The following ZMYM1 variants were observed in gnomAD, a reference collection of about 807,000 sequenced individuals.
ZMYM1 encodes zinc finger MYM-type containing 1.
Under a neutral mutation model 60.0 loss-of-function variants are expected in ZMYM1, and 39 were observed. The observed-to-expected ratio is 0.65, with a 90% CI of 0.50 to 0.85. ZMYM1 has a LOEUF of 0.85. ZMYM1 is among the 40% of genes least tolerant of loss of function. The pLI, the probability that ZMYM1 is intolerant of heterozygous loss-of-function variation, is 0.00. For missense variants in ZMYM1, 1,171 were observed against 1,309.5 expected, an observed-to-expected ratio of 0.89 and a Z score of 1.63; for synonymous variants, 413 against 454.0, an observed-to-expected ratio of 0.91 and a Z score of 1.15.
intron 1 of ZMYM1, among the ~76,000 whole-genome samples, chr1:35,091,887 CAA>C (rs779081046): frequency 2.1e-4 from 18 of 84,522 alleles, no homozygotes; most frequent in African/African-American, 5.9e-4. Flanking sequence ...GATCTTGTCT[CAA>C]AAAAAAAAAA....
chr1:35,103,434 G>A (rs1304684527), intron 4 of ZMYM1, among the ~76,000 whole-genome samples: 1 of 152,088 alleles, frequency 6.6e-6, no homozygotes, highest in Non-Finnish European at 1.5e-5. Context: ...CTTTCCCTTA[G>A]CATAATATTT....
rs911900414 is a variant in ZMYM1, at chr1:35,114,751, C to T, written c.2921C>T (p.Thr974Ile). Residue 974 changes from threonine (T) to isoleucine (I), a missense_variant, in exon 10 of 10, where the codon ACT becomes ATT. Coordinates refer to ENST00000359858, the MANE Select transcript of ZMYM1 (RefSeq NM_024772.5). ...KINIYYQGLD[T>I]ILQNLKLCFS... Reference sequence around the variant, plus strand: ...AATATCTATTACCAAGGATTAGATACTATATTACAAAATTTAAAGTTATGT... The same window carrying T: ...AATATCTATTACCAAGGATTAGATATTATATTACAAAATTTAAAGTTATGT... 5.0e-6 allele frequency: 8 copies of T among 1,585,900 alleles called. No individual in the cohort carries two copies. Among genetic ancestry groups the T allele is most frequent in the Admixed American group, 1.8e-5 (1 of 57,062 alleles).
intron 1 of ZMYM1, chr1:35,060,015 A>G (rs1335618888): frequency 1.3e-5 from 2 of 152,044 alleles, no homozygotes; most frequent in Admixed American, 6.6e-5. Context: ...CTGAGTCTCA[A>G]GTCATTGAGT....
At chr1:35,060,602 A>G (rs2148472932) in intron 1 of ZMYM1, among the ~76,000 whole-genome samples, 1 of 152,272 alleles carries the variant, frequency 6.6e-6, no homozygotes, top group South Asian at 2.1e-4. Flanking sequence ...GGTAGCTCTC[A>G]GTCTGTGCTG....
intron 1 of ZMYM1, among the ~76,000 whole-genome samples, chr1:35,060,349 G>A (rs1472156138): frequency 5.9e-5 from 9 of 151,896 alleles, no homozygotes; most frequent in South Asian, 2.1e-4. Context: ...TAGTAGAGAC[G>A]GGGTTTCTCC....
chr1:35,097,222 C>T, intron 3 of ZMYM1, 95 bp from the exon 4 acceptor site: 1 of 1,398,182 alleles, frequency 7.2e-7, no homozygotes, highest in South Asian at 1.4e-5. Context: ...AGAACAAGAC[C>T]CTGTCTCTAA....
chr1:35,104,904 T>G (rs918720755), intron 6 of ZMYM1, 135 bp downstream of exon 6: 1 of 640,202 alleles, frequency 1.6e-6, no homozygotes, highest in African/African-American at 1.8e-5. Context: ...AGAAGGCTTT[T>G]AACGGTTTCT....
intron 1 of ZMYM1, among the ~76,000 whole-genome samples, chr1:35,062,976 G>T (rs1040438878): frequency 6.6e-6 from 1 of 152,174 alleles, no homozygotes; most frequent in African/African-American, 2.4e-5. Context: ...TCACACCACA[G>T]TCCAGCATGG....
chr1:35,086,237 C>T (rs565213916), intron 1 of ZMYM1, among the ~76,000 whole-genome samples: 2 of 151,864 alleles, frequency 1.3e-5, no homozygotes, highest in African/African-American at 4.8e-5. Flanking sequence ...GGTTTTTTCC[C>T]AAAATTTTCA....
At position 35,113,547 on chromosome 1, in the gene ZMYM1, G is replaced by A. The variant is rs766836523; in HGVS notation, c.1717G>A (p.Gly573Arg). ...FLGKQCLPLR[G>R]NDQSVSSVNK... is the part of the protein sequence containing the mutation. The stretch of plus-strand genomic sequence containing the variant: ...TGGAAAGCAGTGTTTACCCTTAAGA[G>A]GAAACGACCAGTCAGTTTCATCTGT... Residue 573 changes from glycine (G) to arginine (R), a missense_variant, in exon 10 of 10, where the codon GGA becomes AGA. Physicochemically the swap from Gly to Arg is moderately radical, Grantham distance 125. Coordinates refer to ENST00000359858, the MANE Select transcript of ZMYM1 (RefSeq NM_024772.5). 11 of 1,613,142 alleles carry A rather than the reference G, an allele frequency of 6.8e-6. No homozygotes were observed. Among genetic ancestry groups the A allele is most frequent in the Non-Finnish European group, 9.3e-6 (11 of 1,179,762 alleles).
Position 35,080,398 on chromosome 1 carries a change from C to T in ZMYM1, c.-75+956C>T, listed in dbSNP as rs548622292. On this transcript the variant is annotated intron_variant, in intron 1 of 9. Transcript: ENST00000359858. ...TGACACGATCACGGCTCACAAGCAG[C>T]CTCAGCCTTCCGAGCTTAAGCGATC... 6.0e-5 allele frequency among the ~76,000 whole-genome samples: 9 copies of T among 150,998 alleles called. No homozygotes were observed. In the South Asian group the frequency reaches 1.7e-3, roughly 28 times the overall value.
At chr1:35,100,491 G>A (rs57131605) in intron 4 of ZMYM1, among the ~76,000 whole-genome samples, 1 of 151,848 alleles carries the variant, frequency 6.6e-6, no homozygotes, top group African/African-American at 2.4e-5. Context: ...GCGTGGTGGT[G>A]TGTGCCTGTA....
chr1:35,073,940 T>C (rs572560915), intron 1 of ZMYM1, among the ~76,000 whole-genome samples: 3 of 152,110 alleles, frequency 2.0e-5, no homozygotes, highest in Non-Finnish European at 4.4e-5. Flanking sequence ...TGCGCTATCA[T>C]GCCCAGCTAA....
Position 35,111,848 on chromosome 1 carries a change from C to A in ZMYM1, c.1038C>A (p.Ser346Arg). The A allele has an allele frequency of 6.2e-7, 1 of 1,609,434 alleles. No homozygotes were observed. The highest frequency in any genetic ancestry group is 8.5e-7 in the Non-Finnish European group (1 of 1,176,814). The change falls in exon 8 of 10, where the codon AGC becomes AGA. Residue 346 changes from serine to arginine, a missense_variant. Physicochemically the swap from Ser to Arg is moderately radical, Grantham distance 110. Coordinates refer to ENST00000359858, the MANE Select transcript of ZMYM1 (RefSeq NM_024772.5). The part of the protein sequence containing the change: ...SPKKDTTPVI[S>R]NIVSLADTDV... ...AGAAAGATACGACTCCAGTTATAAGCAATATAGTGTCATTGGCAGACACCG... is the reference window on the plus strand; with the variant it reads ...AGAAAGATACGACTCCAGTTATAAGAAATATAGTGTCATTGGCAGACACCG...
In ZMYM1 at chr1:35,082,490, C is replaced by T. The variant is rs192123134; in HGVS notation, c.-75+3048C>T. Among the ~76,000 whole-genome samples the T allele has an allele frequency of 1.7e-3, 251 of 151,758 alleles. 2 individuals carry two copies. The highest frequency in any genetic ancestry group is 5.8e-3 in the African/African-American group (239 of 41,422). On this transcript the variant is annotated intron_variant, in intron 1 of 9. Coordinates refer to ENST00000359858, the MANE Select transcript of ZMYM1 (RefSeq NM_024772.5). ...GGATTACAGGCGTGCACCACCATAC[C>T]CAGCTAATTTTTGTATTTTTGGTAG... is the stretch of plus-strand genomic sequence containing the variant.
chr1:35,104,357 CT>C lies in ZMYM1; in HGVS notation c.487del (p.Cys163AlafsTer25). 1 of 1,612,464 alleles carries C rather than the reference CT, an allele frequency of 6.2e-7. No individual in the cohort carries two copies. Among genetic ancestry groups the C allele is most frequent in the Non-Finnish European group, 8.5e-7 (1 of 1,179,544 alleles). ...VQLEDTTSCKTFCSLSCLSSY... is the reference protein window; with the variant it reads ...VQLEDTTSCKXFCSLSCLSSY... The stretch of plus-strand genomic sequence containing the variant: ...CTGGAAGACACTACCTCTTGCAAAA[CT>C]TTTTGCAGCCTATCTTGTCTTTCAT... On this transcript the variant is annotated frameshift_variant, in exon 5 of 10. Coordinates refer to ENST00000359858, the MANE Select transcript of ZMYM1 (RefSeq NM_024772.5). LOFTEE classifies it high-confidence loss of function.
chr1:35,091,407 G>A (rs1642994352), intron 1 of ZMYM1, among the ~76,000 whole-genome samples: 1 of 152,044 alleles, frequency 6.6e-6, no homozygotes, highest in South Asian at 2.1e-4. Flanking sequence ...TAGAGACGGG[G>A]TTTCACCGTG....
rs548776585 is a variant in ZMYM1 at position 35,107,420 on chromosome 1, G to T, written c.807+2651G>T. Among the ~76,000 whole-genome samples the T allele has an allele frequency of 1.1e-4, 17 of 150,770 alleles. 1 individual carries two copies. The South Asian group carries it at 3.7e-3, about 32-fold the overall frequency. On this transcript the variant is annotated intron_variant, in intron 6 of 9. Coordinates refer to ENST00000359858, the MANE Select transcript of ZMYM1 (RefSeq NM_024772.5). ...GGAGGCGGAGCTTGCAGTGAGCCGA[G>T]ATCGTGCCACTGCACTCCAGCCTGG...
chr1:35,067,191 T>C (rs12748126), intron 1 of ZMYM1, among the ~76,000 whole-genome samples: 2 of 151,948 alleles, frequency 1.3e-5, no homozygotes, highest in Admixed American at 6.6e-5. Context: ...GTTGACCAGG[T>C]TGGTCTTGAA....
Sources: gnomAD v4.1 joint callset for allele counts (sites outside exome capture counted in the v4.1 genomes callset) on GRCh38, gnomAD v4.1.1 for gene constraint, MANE v1.5 for transcripts, NCBI Gene and HGNC (gene_info 2026-07-23, HGNC 2026-07-21) for gene names.